The following TRPC4 variants were observed in gnomAD, a reference collection of about 807,000 sequenced individuals.
TRPC4 encodes transient receptor potential cation channel subfamily C member 4, also known as short transient receptor potential channel 4.
In TRPC4, 49 loss-of-function variants were observed where a neutral mutation model predicts 99.4. That is an observed-to-expected ratio of 0.49 (90% CI 0.39 to 0.63). The LOEUF is 0.63. TRPC4 is among the 20% of genes least tolerant of loss of function. The pLI is 0.00. For synonymous variants in TRPC4, 454 were observed against 425.9 expected (o/e 1.07, Z -0.81); for missense variants, 898 against 1,152.9 (o/e 0.78, Z 3.20).
chr13:37,805,214 T>C (rs1366424549), intron 1 of TRPC4, among the ~76,000 whole-genome samples: 3 of 151,958 alleles, frequency 2.0e-5, no homozygotes, highest in Non-Finnish European at 4.4e-5. Flanking sequence ...ATACTTTCTG[T>C]TTTACAGGCA....
chr13:37,666,152 C>G (rs1206937112), intron 5 of TRPC4, among the ~76,000 whole-genome samples: 1 of 152,160 alleles, frequency 6.6e-6, no homozygotes. Flanking sequence ...ACCTAGGGAC[C>G]TTTGTCTCCC....
chr13:37,735,145 T>C (rs916560804), intron 3 of TRPC4, among the ~76,000 whole-genome samples: 2 of 152,052 alleles, frequency 1.3e-5, no homozygotes, highest in Admixed American at 6.6e-5. Flanking sequence ...TTTCTAAAAA[T>C]TCAAACATAA....
intron 4 of TRPC4, among the ~76,000 whole-genome samples, chr13:37,682,785 C>G (rs1953295042): frequency 6.6e-6 from 1 of 152,114 alleles, no homozygotes; most frequent in South Asian, 2.1e-4. Context: ...GAGTCTCACC[C>G]TGTTTCCCAG....
intron 1 of TRPC4, among the ~76,000 whole-genome samples, chr13:37,806,302 G>A (rs781083196): frequency 1.3e-4 from 20 of 151,738 alleles, no homozygotes; most frequent in African/African-American, 4.6e-4. Context: ...TTGATACATC[G>A]AACTATTGTC....
rs535244425 is a variant in TRPC4 at position 37,815,686 on chromosome 13, C to T, written c.-27-32326G>A. Among the ~76,000 whole-genome samples the T allele has an allele frequency of 6.4e-4, 97 of 152,082 alleles. 1 individual carries two copies. Among genetic ancestry groups the T allele is most frequent in the African/African-American group, 2.3e-3 (94 of 41,552 alleles). On this transcript the variant is annotated intron_variant, in intron 1 of 10. Transcript: ENST00000379705. ...AAAAGTGGAAGACTTCAAGACCCCA[C>T]TGGCAGTATTAGACAGGTCATTGAG...
chr13:37,833,041 C>T (rs1958465514), intron 1 of TRPC4, among the ~76,000 whole-genome samples: 1 of 152,080 alleles, frequency 6.6e-6, no homozygotes, highest in Admixed American at 6.6e-5. Context: ...TTCCTTGCTG[C>T]ACTCTGCCAG....
At chr13:37,823,885 T>A (rs1231699354) in intron 1 of TRPC4, among the ~76,000 whole-genome samples, 1 of 150,566 alleles carries the variant, frequency 6.6e-6, no homozygotes, top group Non-Finnish European at 1.5e-5. Context: ...TTCATGATAT[T>A]GATTCTTCCT....
intron 1 of TRPC4, among the ~76,000 whole-genome samples, chr13:37,812,164 C>T (rs1343816817): frequency 1.9e-5 from 1 of 51,378 alleles, no homozygotes; most frequent in African/African-American, 8.8e-5. Flanking sequence ...AGGCAACAGA[C>T]TGAGACTCTA....
At chr13:37,723,317 C>T (rs1954936130) in intron 3 of TRPC4, among the ~76,000 whole-genome samples, 1 of 151,950 alleles carries the variant, frequency 6.6e-6, no homozygotes, top group African/African-American at 2.4e-5. Flanking sequence ...TAAGGGTTGT[C>T]TACAAAACAA....
intron 3 of TRPC4, among the ~76,000 whole-genome samples, chr13:37,701,502 C>T (rs1047196526): frequency 2.0e-5 from 3 of 151,962 alleles, no homozygotes; most frequent in South Asian, 2.1e-4. Context: ...ATTTCCTCTC[C>T]GTCATCATTG....
chr13:37,656,445 C>A (rs946501596), intron 6 of TRPC4, among the ~76,000 whole-genome samples: 14 of 152,100 alleles, frequency 9.2e-5, no homozygotes, highest in African/African-American at 3.4e-4. Flanking sequence ...ACTCCCAGCC[C>A]CAGTGGCATT....
At chr13:37,716,265 A>G (rs1954663085) in intron 3 of TRPC4, among the ~76,000 whole-genome samples, 1 of 152,208 alleles carries the variant, frequency 6.6e-6, no homozygotes, top group Non-Finnish European at 1.5e-5. Context: ...AAAAAATTCT[A>G]AGTACTAAAA....
chr13:37,635,314 G>GT lies in TRPC4; in HGVS notation c.*1588dup, dbSNP rs1951485205. Among the ~76,000 whole-genome samples, 1 of 152,124 alleles carries GT rather than the reference G, an allele frequency of 6.6e-6. No homozygotes were observed. The highest frequency in any genetic ancestry group is 6.6e-5 in the Admixed American group (1 of 15,262). ...ACACATCACAGCTCCATCATGAGCT[G>GT]TATTACCTTAGCCAGTTAGTGCTGG... On this transcript the variant is annotated 3_prime_UTR_variant, in exon 11 of 11. Coordinates refer to ENST00000379705, the MANE Select transcript of TRPC4 (RefSeq NM_016179.4).
intron 1 of TRPC4, among the ~76,000 whole-genome samples, chr13:37,866,343 T>C (rs1359338468): frequency 1.3e-5 from 2 of 151,790 alleles, no homozygotes; most frequent in Non-Finnish European, 3.0e-5. Context: ...GGATATTACA[T>C]ACAGTTTAGT....
intron 1 of TRPC4, among the ~76,000 whole-genome samples, chr13:37,816,030 C>G (rs1033139148): frequency 2.0e-5 from 3 of 151,752 alleles, no homozygotes; most frequent in Non-Finnish European, 4.4e-5. Flanking sequence ...AAAATTAAGG[C>G]AGAAATCAAG....
intron 4 of TRPC4, among the ~76,000 whole-genome samples, chr13:37,676,378 CTTT>C (rs10710896): frequency 1.2e-4 from 18 of 144,130 alleles, no homozygotes; most frequent in Non-Finnish European, 1.1e-4. Flanking sequence ...GGAGTAACAT[CTTT>C]TTTTTTTTTT....
At chr13:37,804,614 T>C (rs1020981083) in intron 1 of TRPC4, among the ~76,000 whole-genome samples, 1 of 152,160 alleles carries the variant, frequency 6.6e-6, no homozygotes, top group African/African-American at 2.4e-5. Flanking sequence ...GAATCTATAA[T>C]AACAACAAAG....
chr13:37,751,402 G>A (rs192100620), intron 2 of TRPC4, among the ~76,000 whole-genome samples: 1 of 133,260 alleles, frequency 7.5e-6, no homozygotes, highest in East Asian at 2.0e-4. Context: ...GAATGAGAGA[G>A]AGAGAGAGAA....
At chr13:37,768,603 C>A (rs1161752651) in intron 2 of TRPC4, among the ~76,000 whole-genome samples, 2 of 150,942 alleles carry the variant, frequency 1.3e-5, no homozygotes, top group African/African-American at 4.9e-5. Context: ...TCTGTAGCAA[C>A]CAGCTAAGAC....
Sources: allele counts gnomAD v4.1 joint callset (sites outside exome capture counted in the v4.1 genomes callset), GRCh38; gene constraint gnomAD v4.1.1; transcripts MANE v1.5; gene names NCBI Gene and HGNC (gene_info 2026-07-23, HGNC 2026-07-21).